MARCHF1: variants seen among roughly 807,000 people sequenced by gnomAD.
MARCHF1 encodes E3 ubiquitin-protein ligase MARCHF1.
A neutral mutation model predicts 54.2 loss-of-function variants in MARCHF1; 40 were observed. The ratio of observed to expected loss-of-function variants is 0.74; its 90% CI spans 0.57 to 0.96. The LOEUF is 0.96. Ranked by LOEUF, MARCHF1 falls within the 40% of genes least tolerant of loss-of-function variation. MARCHF1 has a pLI of 0.00. For synonymous variants in MARCHF1, 236 were observed against 236.3 expected (o/e 1.00, Z 0.01); for missense variants, 586 against 656.5 (o/e 0.89, Z 1.17).
chr4:164,268,182 C>T (rs561270495), intron 1 of MARCHF1, among the ~76,000 whole-genome samples: 2 of 152,252 alleles, frequency 1.3e-5, no homozygotes, highest in East Asian at 3.9e-4. Flanking sequence ...TTATGAAACA[C>T]ATATTTTAAT....
At chr4:164,131,640 A>C (rs1471867905) in intron 1 of MARCHF1, among the ~76,000 whole-genome samples, 1 of 152,148 alleles carries the variant, frequency 6.6e-6, no homozygotes, top group African/African-American at 2.4e-5. Context: ...CCCAGGATCT[A>C]AAGTTTTATT....
intron 1 of MARCHF1, among the ~76,000 whole-genome samples, chr4:164,261,181 C>T (rs1214842174): frequency 1.3e-5 from 2 of 152,126 alleles, no homozygotes; most frequent in Non-Finnish European, 2.9e-5. Context: ...CCCAGCCCTA[C>T]CAGCTTCTTG....
At chr4:164,037,777 G>T (rs1278315431) in intron 2 of MARCHF1, among the ~76,000 whole-genome samples, 1 of 152,188 alleles carries the variant, frequency 6.6e-6, no homozygotes, top group East Asian at 1.9e-4. Flanking sequence ...ATGTCATGTT[G>T]ATAGTATGTA....
intron 2 of MARCHF1, among the ~76,000 whole-genome samples, chr4:164,034,096 T>C (rs1271910716): frequency 6.8e-6 from 1 of 146,402 alleles, no homozygotes; most frequent in Admixed American, 7.0e-5. Flanking sequence ...GATAGATAGA[T>C]AGATAGATAG....
At chr4:164,100,915 C>A (rs1018198292) in intron 2 of MARCHF1, among the ~76,000 whole-genome samples, 6 of 152,052 alleles carry the variant, frequency 3.9e-5, no homozygotes, top group African/African-American at 1.2e-4. Context: ...GCACAGTGCG[C>A]GAGCCGAAGT....
At chr4:163,724,525 C>G (rs980047027) in intron 4 of MARCHF1, among the ~76,000 whole-genome samples, 1 of 152,202 alleles carries the variant, frequency 6.6e-6, no homozygotes, top group Non-Finnish European at 1.5e-5. Flanking sequence ...AACCACTACT[C>G]TCTTCAAAGC....
Position 164,130,772 on chromosome 4 carries a change from C to T in MARCHF1, c.-322-19110G>A, listed in dbSNP as rs78338908. Among the ~76,000 whole-genome samples the T allele has an allele frequency of 3.8e-3, 573 of 152,198 alleles. 7 individuals carry two copies. Among genetic ancestry groups the T allele is most frequent in the African/African-American group, 0.013 (533 of 41,534 alleles). On this transcript the variant is annotated intron_variant, in intron 1 of 9. Transcript: ENST00000514618. The stretch of plus-strand genomic sequence containing the variant: ...GATCCCAGCTCTGCTGGTTTTGGTT[C>T]ACTGTTTTGTCCAGTATATCACATT...
intron 2 of MARCHF1, chr4:164,055,328 C>T (rs1276083911): frequency 6.6e-6 from 1 of 151,990 alleles, no homozygotes; most frequent in Non-Finnish European, 1.5e-5. Context: ...TCTATGATCC[C>T]AGCTACTCTG....
At chr4:163,710,207 T>A (rs1170718100) in intron 4 of MARCHF1, among the ~76,000 whole-genome samples, 7 of 152,150 alleles carry the variant, frequency 4.6e-5, no homozygotes, top group Non-Finnish European at 8.8e-5. Flanking sequence ...ACAAGGCCAA[T>A]ACTTTGAAAA....
chr4:163,924,241 C>T (rs913676678), intron 3 of MARCHF1, among the ~76,000 whole-genome samples: 2 of 152,028 alleles, frequency 1.3e-5, no homozygotes, highest in Admixed American at 1.3e-4. Flanking sequence ...AATTAAGATC[C>T]TCTTTTAGAA....
At chr4:163,991,274 G>A (rs537645853) in intron 2 of MARCHF1, among the ~76,000 whole-genome samples, 6 of 152,192 alleles carry the variant, frequency 3.9e-5, no homozygotes, top group South Asian at 4.1e-4. Context: ...ATTGTATTAG[G>A]TATTGCCACA....
chr4:163,685,171 C>T (rs1192805928), intron 5 of MARCHF1, among the ~76,000 whole-genome samples: 1 of 151,978 alleles, frequency 6.6e-6, no homozygotes, highest in Non-Finnish European at 1.5e-5. Context: ...CGTTTTATTA[C>T]AACATTTCTG....
At chr4:163,756,849 G>A (rs768991424) in intron 4 of MARCHF1, among the ~76,000 whole-genome samples, 3 of 151,856 alleles carry the variant, frequency 2.0e-5, no homozygotes, top group Non-Finnish European at 4.4e-5. Context: ...TTTGTGATAT[G>A]TCTAAAGAAA....
chr4:164,183,487 A>T (rs1436348167), intron 1 of MARCHF1, among the ~76,000 whole-genome samples: 1 of 152,124 alleles, frequency 6.6e-6, no homozygotes, highest in Non-Finnish European at 1.5e-5. Flanking sequence ...TCTAATTTTT[A>T]TGTGGTCAAA....
At chr4:163,872,957 T>C (rs1472616573) in intron 3 of MARCHF1, among the ~76,000 whole-genome samples, 3 of 151,798 alleles carry the variant, frequency 2.0e-5, no homozygotes, top group Non-Finnish European at 2.9e-5. Context: ...GGCAGGAGAA[T>C]GGCGTGAACC....
At chr4:164,016,677 A>G (rs906673669) in intron 2 of MARCHF1, among the ~76,000 whole-genome samples, 3 of 152,130 alleles carry the variant, frequency 2.0e-5, no homozygotes, top group Admixed American at 6.6e-5. Context: ...GGAGGGGAGA[A>G]TAAAGACAGG....
At position 164,231,105 on chromosome 4, in the gene MARCHF1, T is replaced by C. The variant is rs1279256484; in HGVS notation, c.-322-119443A>G. 3.3e-5 allele frequency among the ~76,000 whole-genome samples: 5 copies of C among 152,180 alleles called. No homozygotes were observed. In the East Asian group the frequency reaches 9.6e-4, roughly 29 times the overall value. ...TAAAGTGAGGAGCGAAAAGAACTGA[T>C]GTATTTTCTTCAGTTCATCCAATTC... On this transcript the variant is annotated intron_variant, in intron 1 of 9. Coordinates refer to ENST00000514618, the MANE Select transcript of MARCHF1 (RefSeq NM_001394959.1).
chr4:164,026,836 C>A (rs1257984474), intron 2 of MARCHF1, among the ~76,000 whole-genome samples: 2 of 151,982 alleles, frequency 1.3e-5, no homozygotes, highest in Non-Finnish European at 2.9e-5. Context: ...ACCTAGAATA[C>A]CCCCACAGTC....
intron 1 of MARCHF1, among the ~76,000 whole-genome samples, chr4:164,302,782 T>C (rs1734595891): frequency 6.8e-6 from 1 of 146,950 alleles, no homozygotes; most frequent in Non-Finnish European, 1.5e-5. Context: ...GGCATGAGAA[T>C]CACTTGAACC....
Sources: gnomAD v4.1 joint callset for allele counts (sites outside exome capture counted in the v4.1 genomes callset) on GRCh38, gnomAD v4.1.1 for gene constraint, MANE v1.5 for transcripts, NCBI Gene and HGNC (gene_info 2026-07-23, HGNC 2026-07-21) for gene names.